Variants in TTLL4 observed in about 807,000 individuals in gnomAD.
The protein encoded by TTLL4 is tubulin monoglutamylase TTLL4.
In TTLL4, 85 loss-of-function variants were observed where a neutral mutation model predicts 122.7. The observed-to-expected ratio is 0.69, with a 90% CI of 0.58 to 0.83. The LOEUF (loss-of-function observed/expected upper bound fraction) is 0.83. TTLL4 is among the 40% of genes least tolerant of loss of function. TTLL4 has a pLI of 0.00. For synonymous variants in TTLL4, 553 were observed against 563.0 expected, an observed-to-expected ratio of 0.98 and a Z score of 0.25; for missense variants, 1,363 against 1,488.6, an observed-to-expected ratio of 0.92 and a Z score of 1.39.
chr2:218,718,208 A>G (rs1439538085), intron 1 of TTLL4, among the ~76,000 whole-genome samples: 2 of 152,158 alleles, frequency 1.3e-5, no homozygotes, highest in Admixed American at 1.3e-4. Flanking sequence ...TAGTTGAAGG[A>G]GGAAAGGGAA....
At chr2:218,714,652 G>A (rs1252790959) in intron 1 of TTLL4, among the ~76,000 whole-genome samples, 1 of 151,828 alleles carries the variant, frequency 6.6e-6, no homozygotes, top group Non-Finnish European at 1.5e-5. Flanking sequence ...TCTCTAGACC[G>A]GCAGTGCTCA....
At chr2:218,737,232 C>T (rs541103475) in intron 2 of TTLL4, among the ~76,000 whole-genome samples, 7 of 152,268 alleles carry the variant, frequency 4.6e-5, no homozygotes, top group South Asian at 4.1e-4. Context: ...AAGGTAGCCC[C>T]TCATGGAAAG....
intron 2 of TTLL4, 128 bp from the exon 3 acceptor site, chr2:218,737,451 A>G (rs568001370): frequency 2.1e-6 from 1 of 480,686 alleles, no homozygotes; most frequent in African/African-American, 2.0e-5. Context: ...CCAGTGCCCC[A>G]AATGACGACC....
At position 218,715,139 on chromosome 2, in the gene TTLL4, T is replaced by G. The variant is rs1049480886; in HGVS notation, c.-178+4102T>G. Among the ~76,000 whole-genome samples the G allele has an allele frequency of 2.0e-5, 3 of 152,230 alleles. No individual in the cohort carries two copies. In the South Asian group the frequency reaches 6.2e-4, roughly 32 times the overall value. The stretch of plus-strand genomic sequence containing the variant: ...ATTAGTGAGAAGAGTGGCATTGTTT[T>G]TTAGATCTCTTTAGTGTCTGACTTA... On this transcript the variant is annotated intron_variant, in intron 1 of 19. Coordinates refer to ENST00000392102, the MANE Select transcript of TTLL4 (RefSeq NM_014640.5).
chr2:218,718,544 A>T (rs1941936538), intron 1 of TTLL4, among the ~76,000 whole-genome samples: 1 of 151,842 alleles, frequency 6.6e-6, no homozygotes, highest in South Asian at 2.1e-4. Flanking sequence ...ATGCCTGGCT[A>T]GTTTTGTATT....
chr2:218,737,907 G>T lies in TTLL4; in HGVS notation c.231G>T (p.Gln77His), dbSNP rs1239686614. Residue 77 changes from glutamine to histidine, a missense_variant, in exon 3 of 20, where the codon CAG becomes CAT. Gln to His is a conservative substitution (Grantham distance 24, BLOSUM62 0). Coordinates refer to ENST00000392102, the MANE Select transcript of TTLL4 (RefSeq NM_014640.5). The stretch of plus-strand genomic sequence containing the variant: ...CAGGCCTCTTGGGCGTCCCACCCCA[G>T]CCAGCATATTTCTTTTGCCCCAGCA... Reference protein sequence around the residue: ...LGPGLLGVPPQPAYFFCPSTL... With the variant: ...LGPGLLGVPPHPAYFFCPSTL... 6.2e-7 allele frequency: 1 copy of T among 1,614,216 alleles called. No individual in the cohort carries two copies.
intron 2 of TTLL4, among the ~76,000 whole-genome samples, chr2:218,727,622 G>T (rs897122019): frequency 2.0e-5 from 3 of 152,106 alleles, no homozygotes; most frequent in Admixed American, 6.5e-5. Flanking sequence ...TGTAGTCCCA[G>T]CTACTCAGGA....
At chr2:218,753,080 T>C in intron 17 of TTLL4, 35 bp from the exon 18 acceptor site, 3 of 1,613,970 alleles carry the variant, frequency 1.9e-6, no homozygotes, top group Non-Finnish European at 2.5e-6. Flanking sequence ...TGATTCTACC[T>C]TCTTAAACCC....
chr2:218,730,988 G>A (rs750464624), intron 2 of TTLL4, among the ~76,000 whole-genome samples: 1 of 151,890 alleles, frequency 6.6e-6, no homozygotes, highest in African/African-American at 2.4e-5. Flanking sequence ...GGTGTATACT[G>A]GTAGTCCTAG....
chr2:218,748,997 T>G, intron 13 of TTLL4, 63 bp downstream of exon 13: 1 of 1,541,092 alleles, frequency 6.5e-7, no homozygotes, highest in Non-Finnish European at 8.9e-7. Context: ...CTCCTGGGCC[T>G]CACACTGCTG....
intron 1 of TTLL4, among the ~76,000 whole-genome samples, chr2:218,711,610 A>G (rs1262159036): frequency 1.3e-5 from 2 of 152,154 alleles, no homozygotes; most frequent in South Asian, 2.1e-4. Flanking sequence ...CCTGGGTACA[A>G]TGGGAGGGAT....
intron 1 of TTLL4, among the ~76,000 whole-genome samples, chr2:218,725,730 A>AT: frequency 6.6e-6 from 1 of 151,378 alleles, no homozygotes; most frequent in South Asian, 2.1e-4. Context: ...TAATTTTTGT[A>AT]TTTTTAGTAG....
chr2:218,719,609 T>C (rs1196071329), intron 1 of TTLL4, among the ~76,000 whole-genome samples: 1 of 146,746 alleles, frequency 6.8e-6, no homozygotes, highest in African/African-American at 2.5e-5. Context: ...GACTATGGAG[T>C]CTTGTGGACC....
intron 4 of TTLL4, 129 bp downstream of exon 4, chr2:218,740,296 T>TG (rs944537102): frequency 1.8e-5 from 17 of 965,558 alleles, no homozygotes; most frequent in Middle Eastern, 3.2e-4. Flanking sequence ...GGGTCTTAAG[T>TG]GGGGGTAGTG....
rs1942894574 is a variant in TTLL4, at chr2:218,747,986, G to A, written c.2379-119G>A. ...GTAGACACACTTCTCAGGCTCTTGT[G>A]GCTATGAAAAGATCTGTGTACTTGT... is the stretch of plus-strand genomic sequence containing the variant. On this transcript the variant is annotated intron_variant, in intron 11 of 19. Coordinates refer to ENST00000392102, the MANE Select transcript of TTLL4 (RefSeq NM_014640.5). This position sits in a 1 kb window ranked among gnomAD's most constrained non-coding sequence, Gnocchi z 4.7. 1.4e-6 allele frequency: 2 copies of A among 1,381,506 alleles called. No homozygotes were observed. The highest frequency in any genetic ancestry group is 2.0e-6 in the Non-Finnish European group (2 of 996,576). The allele number at this position is 1,381,506 out of a possible 1,614,324, so 85.6% of individuals were successfully genotyped here.
At chr2:218,756,246 C>T (rs777194929), downstream of TTLL4, among the ~76,000 whole-genome samples, 4 of 152,132 alleles carry the variant, frequency 2.6e-5, no homozygotes, top group Non-Finnish European at 5.9e-5. Flanking sequence ...AGTTCTTTGG[C>T]TTGCCCCCTG....
At chr2:218,713,744 G>T (rs1049119391) in intron 1 of TTLL4, among the ~76,000 whole-genome samples, 1 of 152,196 alleles carries the variant, frequency 6.6e-6, no homozygotes, top group Non-Finnish European at 1.5e-5. Context: ...CAATATGTTG[G>T]TTGAATAGGA....
chr2:218,752,534 G>T (rs1943049176), intron 16 of TTLL4, among the ~76,000 whole-genome samples: 1 of 152,140 alleles, frequency 6.6e-6, no homozygotes, highest in African/African-American at 2.4e-5. Flanking sequence ...CTCAGCCCCA[G>T]TGGCTCCCCT....
chr2:218,729,183 C>T (rs1942284179), intron 2 of TTLL4, among the ~76,000 whole-genome samples: 1 of 152,142 alleles, frequency 6.6e-6, no homozygotes, highest in South Asian at 2.1e-4. Flanking sequence ...ATCCGTCTGC[C>T]TCGGCCTCCC....
Sources: gnomAD v4.1 joint callset for allele counts (sites outside exome capture counted in the v4.1 genomes callset) on GRCh38, gnomAD v4.1.1 for gene constraint, Gnocchi (gnomAD v3.1) non-coding constraint, MANE v1.5 for transcripts, NCBI Gene and HGNC (gene_info 2026-07-23, HGNC 2026-07-21) for gene names.